Variants in BCL11B observed in about 807,000 individuals in gnomAD.
The protein encoded by BCL11B is BCL11 transcription factor B.
BCL11B carries 8 observed loss-of-function variants against 49.9 expected under a neutral mutation model. The observed-to-expected ratio is 0.16, with a 90% CI of 0.09 to 0.29. The LOEUF (loss-of-function observed/expected upper bound fraction) is 0.29, where lower values mean the gene tolerates loss of function less well. BCL11B is among the 10% of genes least tolerant of loss of function. The pLI, the probability that BCL11B is intolerant of heterozygous loss-of-function variation, is 1.00. For missense variants in BCL11B, 1,006 were observed against 1,351.0 expected, an observed-to-expected ratio of 0.74 and a Z score of 4.00; for synonymous variants, 739 against 637.4, an observed-to-expected ratio of 1.16 and a Z score of -2.40.
chr14:99,223,709 C>T (rs1039516525), intron 3 of BCL11B, among the ~76,000 whole-genome samples: 2 of 152,192 alleles, frequency 1.3e-5, no homozygotes, highest in African/African-American at 4.8e-5. Context: ...GAGTCAAAAA[C>T]ACGCCAATAA....
At chr14:99,256,601 G>C (rs1889170596) in intron 2 of BCL11B, among the ~76,000 whole-genome samples, 1 of 152,188 alleles carries the variant, frequency 6.6e-6, no homozygotes, top group African/African-American at 2.4e-5. Flanking sequence ...CAAACACTCT[G>C]GTTTGCACAG....
rs1886257228 is a variant in BCL11B, at chr14:99,170,600, GA to G, written c.*3550del. 4.3e-6 allele frequency: 1 copy of G among 232,858 alleles called. No homozygotes were observed. Among genetic ancestry groups the G allele is most frequent in the African/African-American group, 2.2e-5 (1 of 45,384 alleles). The allele number at this position is 232,858 out of a possible 1,614,324, so 14.4% of individuals were successfully genotyped here. A position where few individuals can be genotyped will look rare whatever the true frequency, so the allele number is the denominator to read the frequency against. The stretch of plus-strand genomic sequence containing the variant: ...GAAAAAAAAAGGACCAATGGAGGAT[GA>G]AGGATGGAGAGGAAACGCAGGGGAA... On this transcript the variant is annotated 3_prime_UTR_variant, in exon 4 of 4. Transcript: ENST00000357195.
intron 2 of BCL11B, among the ~76,000 whole-genome samples, chr14:99,251,391 A>G (rs1387162547): frequency 6.6e-6 from 1 of 152,152 alleles, no homozygotes; most frequent in Non-Finnish European, 1.5e-5. Context: ...CAAGCCCAAA[A>G]CACAAGGAAC....
At position 99,231,102 on chromosome 14, in the gene BCL11B, G is replaced by A. The variant is rs972789872; in HGVS notation, c.640+243C>T. On this transcript the variant is annotated intron_variant, in intron 3 of 3. Transcript: ENST00000357195. This position sits in a 1 kb window ranked among gnomAD's most constrained non-coding sequence, Gnocchi z 8.1. ...AAAGAAGCGGGATTGGGAGGCTGGG[G>A]AATGCATTCTGGGAGCAAGACTCTC... 7.2e-5 allele frequency among the ~76,000 whole-genome samples: 11 copies of A among 152,210 alleles called. No homozygotes were observed. Among genetic ancestry groups the A allele is most frequent in the Admixed American group, 6.5e-5 (1 of 15,284 alleles).
Position 99,194,303 on chromosome 14 carries a change from C to T in BCL11B, c.641-18108G>A, listed in dbSNP as rs933380653. Among the ~76,000 whole-genome samples, 5 of 152,190 alleles carry T rather than the reference C, an allele frequency of 3.3e-5. No homozygotes were observed. The highest frequency in any genetic ancestry group is 6.5e-5 in the Admixed American group (1 of 15,284). Reference sequence around the variant, plus strand: ...GTCAGCAAACCGCCAAGGCCTTCCCCGGACTGCACTGGCTTACAGAACACA... The same window carrying T: ...GTCAGCAAACCGCCAAGGCCTTCCCTGGACTGCACTGGCTTACAGAACACA... On this transcript the variant is annotated intron_variant, in intron 3 of 3. Coordinates refer to ENST00000357195, the MANE Select transcript of BCL11B (RefSeq NM_138576.4). The surrounding 1 kb of genome is among the most constrained non-coding windows in gnomAD (Gnocchi z 4.6).
intron 2 of BCL11B, among the ~76,000 whole-genome samples, chr14:99,249,632 G>A (rs746823889): frequency 2.6e-5 from 4 of 152,190 alleles, no homozygotes; most frequent in Admixed American, 2.0e-4. Flanking sequence ...CATAACTGCC[G>A]GAGTTGACAC....
At chr14:99,209,964 C>A (rs930625398) in intron 3 of BCL11B, among the ~76,000 whole-genome samples, 2 of 151,974 alleles carry the variant, frequency 1.3e-5, no homozygotes, top group African/African-American at 4.8e-5. Flanking sequence ...GACCTCTGAG[C>A]CCCCCGAGAC....
intron 3 of BCL11B, among the ~76,000 whole-genome samples, chr14:99,188,576 GGGGC>G: frequency 1.3e-5 from 2 of 151,934 alleles, no homozygotes; most frequent in Non-Finnish European, 2.9e-5. Context: ...GGCTGGGGCT[GGGGC>G]TGGGGCTAGG....
At chr14:99,220,280 G>T (rs1005182195) in intron 3 of BCL11B, among the ~76,000 whole-genome samples, 1 of 152,204 alleles carries the variant, frequency 6.6e-6, no homozygotes, top group Non-Finnish European at 1.5e-5. Context: ...GATTCAAACA[G>T]ATTATTGTCC....
At chr14:99,218,043 T>A (rs2139858928) in intron 3 of BCL11B, among the ~76,000 whole-genome samples, 1 of 151,148 alleles carries the variant, frequency 6.6e-6, no homozygotes, top group East Asian at 1.9e-4. Context: ...CTGTTAATTC[T>A]CATAATAATC....
At chr14:99,208,764 T>C (rs917722624) in intron 3 of BCL11B, among the ~76,000 whole-genome samples, 8 of 152,178 alleles carry the variant, frequency 5.3e-5, no homozygotes, top group African/African-American at 1.7e-4. Context: ...AAAGGAGTGC[T>C]CGCTGGAAGA....
chr14:99,253,334 T>C (rs1486343528), intron 2 of BCL11B, among the ~76,000 whole-genome samples: 2 of 152,346 alleles, frequency 1.3e-5, no homozygotes, highest in East Asian at 3.9e-4. Context: ...ATGCTGACAC[T>C]GCCTGTGATG....
chr14:99,188,226 T>G (rs957864265), intron 3 of BCL11B, among the ~76,000 whole-genome samples: 45 of 152,216 alleles, frequency 3.0e-4, no homozygotes, highest in African/African-American at 1.1e-3. Context: ...CCAGGGTTTG[T>G]GGAGAATGTT....
chr14:99,222,351 T>C (rs1270160576), intron 3 of BCL11B, among the ~76,000 whole-genome samples: 1 of 152,174 alleles, frequency 6.6e-6, no homozygotes, highest in Non-Finnish European at 1.5e-5. Flanking sequence ...TGTTTCCTCT[T>C]TCTCTCACAG....
In BCL11B at chr14:99,228,303, C is replaced by T. The variant is rs990360908; in HGVS notation, c.640+3042G>A. Among the ~76,000 whole-genome samples, 1 of 152,156 alleles carries T rather than the reference C, an allele frequency of 6.6e-6. No individual in the cohort carries two copies. The highest frequency in any genetic ancestry group is 2.4e-5 in the African/African-American group (1 of 41,426). On this transcript the variant is annotated intron_variant, in intron 3 of 3. Coordinates refer to ENST00000357195, the MANE Select transcript of BCL11B (RefSeq NM_138576.4). This position sits in a 1 kb window ranked among gnomAD's most constrained non-coding sequence, Gnocchi z 4.8. ...TAAACAGGCACTAAAAACACTTAAG[C>T]AAACAGCCCAGTGCCAGGGACACAA...
Position 99,259,006 on chromosome 14 carries a change from A to G in BCL11B, c.59-1167T>C, listed in dbSNP as rs75567633. 8.6e-3 allele frequency among the ~76,000 whole-genome samples: 354 copies of G among 41,170 alleles called. 3 individuals are homozygous for G. In the East Asian group the frequency reaches 0.28, roughly 33 times the overall value. 27.0% of individuals were successfully genotyped at this position (41,170 alleles called of 152,430 possible). ...GGGAAAATTGGAAGACTCGGCAGCC[A>G]AAAGTGTCATAAATAAAGAGAAGTG... On this transcript the variant is annotated intron_variant, in intron 1 of 3. Coordinates refer to ENST00000357195, the MANE Select transcript of BCL11B (RefSeq NM_138576.4).
chr14:99,260,835 A>T (rs1253590370), intron 1 of BCL11B, among the ~76,000 whole-genome samples: 1 of 151,864 alleles, frequency 6.6e-6, no homozygotes, highest in African/African-American at 2.4e-5. Context: ...CCAACCTGGG[A>T]GCCAGGCCCT....
chr14:99,185,734 T>C (rs1257423), intron 3 of BCL11B, among the ~76,000 whole-genome samples: 70,789 of 151,674 alleles, frequency 0.47, 16,895 homozygotes, highest in African/African-American at 0.55. Context: ...GGGCTGTCCT[T>C]ACTCCCGCAC....
intron 2 of BCL11B, among the ~76,000 whole-genome samples, chr14:99,251,680 T>G (rs981020280): frequency 2.0e-5 from 3 of 152,134 alleles, no homozygotes; most frequent in Admixed American, 6.5e-5. Flanking sequence ...TACAGGACAG[T>G]ATATACAAAA....
Sources: gnomAD v4.1 joint callset for allele counts (sites outside exome capture counted in the v4.1 genomes callset) on GRCh38, gnomAD v4.1.1 for gene constraint, Gnocchi (gnomAD v3.1) non-coding constraint, MANE v1.5 for transcripts, NCBI Gene and HGNC (gene_info 2026-07-23, HGNC 2026-07-21) for gene names.